ADGRG6: variants seen among roughly 807,000 people sequenced by gnomAD.
ADGRG6 encodes the protein G-protein coupled receptor 126.
A neutral mutation model predicts 142.4 loss-of-function variants in ADGRG6; 84 were observed. The observed-to-expected ratio is 0.59, with a 90% confidence interval of 0.49 to 0.71. The LOEUF (loss-of-function observed/expected upper bound fraction) is 0.71. Among genes scored for constraint, ADGRG6 ranks in the 30% least tolerant of loss-of-function variants. ADGRG6 has a pLI of 0.00. For synonymous variants in ADGRG6, 521 were observed against 520.5 expected (o/e 1.00, Z -0.01); for missense variants, 1,367 against 1,466.6 (o/e 0.93, Z 1.11).
At chr6:142,407,163 G>A (rs1467438919) in intron 15 of ADGRG6, among the ~76,000 whole-genome samples, 1 of 120,404 alleles carries the variant, frequency 8.3e-6, no homozygotes, top group African/African-American at 3.8e-5. Flanking sequence ...AGTGAGACCC[G>A]TCTCTTTAAA....
At position 142,334,982 on chromosome 6, in the gene ADGRG6, A is replaced by C. The variant is rs9484623; in HGVS notation, c.103+25338A>C. ...ATTATAAATCTTAATAGAATGAATAAAGGTGATTGGCACTGGACAAAAGCA... is the reference window on the plus strand; with the variant it reads ...ATTATAAATCTTAATAGAATGAATACAGGTGATTGGCACTGGACAAAAGCA... On this transcript the variant is annotated intron_variant, in intron 2 of 24. Coordinates refer to ENST00000367609, the MANE Select transcript of ADGRG6 (RefSeq NM_198569.3). 4.9e-3 allele frequency among the ~76,000 whole-genome samples: 744 copies of C among 152,318 alleles called. 10 individuals carry two copies. Among genetic ancestry groups the C allele is most frequent in the African/African-American group, 0.017 (706 of 41,568 alleles).
chr6:142,386,378 A>C (rs1348483820), intron 6 of ADGRG6, among the ~76,000 whole-genome samples: 2 of 152,240 alleles, frequency 1.3e-5, no homozygotes, highest in Non-Finnish European at 2.9e-5. Flanking sequence ...ACTTCCAAAT[A>C]AAGGCCGAAA....
intron 2 of ADGRG6, among the ~76,000 whole-genome samples, chr6:142,316,455 T>C (rs1426045440): frequency 1.3e-5 from 2 of 152,192 alleles, no homozygotes; most frequent in Non-Finnish European, 1.5e-5. Context: ...AGGATCTTTT[T>C]AGAAGATTCC....
intron 2 of ADGRG6, among the ~76,000 whole-genome samples, chr6:142,354,810 C>T (rs1157193050): frequency 6.6e-6 from 1 of 152,122 alleles, no homozygotes. Flanking sequence ...TTTTTTGGCT[C>T]AGTTTGCATA....
intron 2 of ADGRG6, among the ~76,000 whole-genome samples, chr6:142,367,245 G>A (rs1780984841): frequency 6.6e-6 from 1 of 152,084 alleles, no homozygotes; most frequent in South Asian, 2.1e-4. Context: ...AGGCCTCATT[G>A]TACTCCTTGA....
intron 12 of ADGRG6, 119 bp downstream of exon 12, chr6:142,402,177 G>T: frequency 1.8e-6 from 1 of 554,586 alleles, no homozygotes; most frequent in South Asian, 2.9e-5. Flanking sequence ...ATATTAAAAG[G>T]CAAATGATTG....
intron 22 of ADGRG6, among the ~76,000 whole-genome samples, chr6:142,430,895 G>T (rs748353411): frequency 2.0e-5 from 3 of 152,076 alleles, no homozygotes; most frequent in Non-Finnish European, 2.9e-5. Flanking sequence ...GCCTTGGCCC[G>T]TAGGAGTCTT....
chr6:142,389,373 G>C (rs1216634014), intron 6 of ADGRG6, among the ~76,000 whole-genome samples: 1 of 151,766 alleles, frequency 6.6e-6, no homozygotes, highest in Non-Finnish European at 1.5e-5. Flanking sequence ...TAAGCATGAA[G>C]AAAGATGATC....
In ADGRG6 at chr6:142,411,345, C is replaced by T; in HGVS notation, c.2475C>T (p.His825=). The T allele has an allele frequency of 6.2e-7, 1 of 1,609,582 alleles. No individual in the cohort carries two copies. The change falls in exon 18 of 25, where the codon CAC becomes CAT. Residue 825 remains histidine, a synonymous_variant. Coordinates refer to ENST00000367609, the MANE Select transcript of ADGRG6 (RefSeq NM_198569.3). ...GGWNTSGCVA[H]RDSDASETVC... ...GGAACACGTCAGGATGTGTTGCACACAGAGATTCAGATGCAAGTGAGACAG... is the reference window on the plus strand; with the variant it reads ...GGAACACGTCAGGATGTGTTGCACATAGAGATTCAGATGCAAGTGAGACAG...
intron 2 of ADGRG6, among the ~76,000 whole-genome samples, chr6:142,358,735 T>G (rs915993186): frequency 6.6e-6 from 1 of 151,896 alleles, no homozygotes; most frequent in Non-Finnish European, 1.5e-5. Flanking sequence ...TGAAATCCCG[T>G]CTCCACTAAA....
At chr6:142,411,493 A>T (rs532843419) in intron 18 of ADGRG6, 82 bp downstream of exon 18, 6 of 767,964 alleles carry the variant, frequency 7.8e-6, no homozygotes, top group Non-Finnish European at 1.4e-5. Context: ...TTTTTAGATT[A>T]TGTATTTTGG....
intron 2 of ADGRG6, among the ~76,000 whole-genome samples, chr6:142,312,741 G>A (rs778669844): frequency 6.6e-6 from 1 of 152,034 alleles, no homozygotes; most frequent in Non-Finnish European, 1.5e-5. Flanking sequence ...AATATGTAGA[G>A]AAATCTGTAT....
At chr6:142,393,792 G>A (rs1229064491) in intron 8 of ADGRG6, 104 bp from the exon 9 acceptor site, 1 of 707,230 alleles carries the variant, frequency 1.4e-6, no homozygotes, top group Non-Finnish European at 2.5e-6. Context: ...GAAAATATTG[G>A]CTTAGAATTC....
intron 17 of ADGRG6, 115 bp from the exon 18 acceptor site, chr6:142,411,190 G>T: frequency 1.5e-6 from 1 of 647,568 alleles, no homozygotes; most frequent in Non-Finnish European, 2.9e-6. Flanking sequence ...CCATTTTACA[G>T]ATAAACTCTG....
rs1443422483 is a variant in ADGRG6, at chr6:142,411,340, G to A, written c.2470G>A (p.Ala824Thr). 2 of 1,607,830 alleles carry A rather than the reference G, an allele frequency of 1.2e-6. No homozygotes were observed. The highest frequency in any genetic ancestry group is 1.3e-5 in the African/African-American group (1 of 74,772). ...AGGATGGAACACGTCAGGATGTGTT[G>A]CACACAGAGATTCAGATGCAAGTGA... ...FGGWNTSGCV[A>T]HRDSDASETV... Residue 824 changes from alanine to threonine, a missense_variant, in exon 18 of 25, where the codon GCA (alanine) becomes ACA (threonine). By Grantham distance (58) the Ala-to-Thr change is moderately conservative (BLOSUM62 0). Around this residue, in one of 3 missense-constraint regions of ADGRG6, gnomAD observed 286 missense variants for 371.4 expected, o/e 0.77. Coordinates refer to ENST00000367609, the MANE Select transcript of ADGRG6 (RefSeq NM_198569.3).
chr6:142,317,850 A>G (rs1287000475), intron 2 of ADGRG6, among the ~76,000 whole-genome samples: 1 of 83,418 alleles, frequency 1.2e-5, no homozygotes, highest in African/African-American at 5.0e-5. Flanking sequence ...TATATATAAT[A>G]TATATTTATA....
At chr6:142,313,355 G>C (rs765195689) in intron 2 of ADGRG6, among the ~76,000 whole-genome samples, 6 of 151,952 alleles carry the variant, frequency 3.9e-5, no homozygotes, top group Non-Finnish European at 7.3e-5. Flanking sequence ...GAAGATGAAT[G>C]ATGATATCTC....
At chr6:142,376,571 C>A (rs913659833) in intron 4 of ADGRG6, among the ~76,000 whole-genome samples, 3 of 152,074 alleles carry the variant, frequency 2.0e-5, no homozygotes, top group African/African-American at 7.2e-5. Flanking sequence ...CAGTTCTGTT[C>A]TTCATAGCTA....
rs1023243655 is a variant in ADGRG6, at chr6:142,445,511, T to C, written c.*1996T>C. The C allele has an allele frequency of 1.3e-5, 2 of 152,192 alleles. No individual in the cohort carries two copies. Among genetic ancestry groups the C allele is most frequent in the African/African-American group, 4.8e-5 (2 of 41,456 alleles). 9.4% of individuals were successfully genotyped at this position (152,192 alleles called of 1,614,324 possible). A position where few individuals can be genotyped will look rare whatever the true frequency, so the allele number is the denominator to read the frequency against. Reference sequence around the variant, plus strand: ...TGCTTAGTCAATAGTAATTAAGATATAGCTTCAAAAATGGCTTTGCTTTTG... The same window carrying C: ...TGCTTAGTCAATAGTAATTAAGATACAGCTTCAAAAATGGCTTTGCTTTTG... On this transcript the variant is annotated 3_prime_UTR_variant, in exon 25 of 25. Coordinates refer to ENST00000367609, the MANE Select transcript of ADGRG6 (RefSeq NM_198569.3).
Sources: allele counts gnomAD v4.1 joint callset (sites outside exome capture counted in the v4.1 genomes callset), GRCh38; gene constraint gnomAD v4.1.1; regional missense constraint gnomAD v4.1.1; transcripts MANE v1.5; gene names NCBI Gene and HGNC (gene_info 2026-07-23, HGNC 2026-07-21).